The following KLHL41 variants were observed in gnomAD, a reference collection of about 807,000 sequenced individuals.
The protein encoded by KLHL41 is kelch-like protein 41.
A neutral mutation model predicts 49.2 loss-of-function variants in KLHL41; 31 were observed. The observed-to-expected ratio is 0.63, with a 90% CI of 0.47 to 0.85. The LOEUF is 0.85. Ranked by LOEUF, KLHL41 falls within the 40% of genes least tolerant of loss-of-function variation. KLHL41 has a pLI of 0.00. For missense variants in KLHL41, 663 were observed against 726.7 expected, an observed-to-expected ratio of 0.91 and a Z score of 1.01; for synonymous variants, 218 against 258.5, an observed-to-expected ratio of 0.84 and a Z score of 1.50.
intron 3 of KLHL41, among the ~76,000 whole-genome samples, chr2:169,516,145 C>T (rs2105310342): frequency 6.6e-6 from 1 of 152,210 alleles, no homozygotes; most frequent in South Asian, 2.1e-4. Flanking sequence ...CATCATTTGC[C>T]CAGGCCATTG....
At chr2:169,512,764 T>A (rs1684047343) in intron 1 of KLHL41, among the ~76,000 whole-genome samples, 1 of 152,110 alleles carries the variant, frequency 6.6e-6, no homozygotes, top group Non-Finnish European at 1.5e-5. Context: ...TCAGACAATA[T>A]TTACATGAGA....
rs371123070 is a variant in KLHL41, at chr2:169,510,079, G to A, written c.301G>A (p.Gly101Arg). Residue 101 changes from glycine (G) to arginine (R), a missense_variant, in exon 1 of 6, where the codon GGA becomes AGA. Gly to Arg is a moderately radical substitution (Grantham distance 125). Around this residue, in one of 3 missense-constraint regions of KLHL41, gnomAD observed 129 missense variants for 122.1 expected, o/e 1.06. Coordinates refer to ENST00000284669, the MANE Select transcript of KLHL41 (RefSeq NM_006063.3). This position sits in a 1 kb window ranked among gnomAD's most constrained non-coding sequence, Gnocchi z 4.2. ...LYSASIDLND[G>R]NVQDIFALAS... ...CTCTGCCAGTATTGATCTCAATGAC[G>A]GAAATGTGCAAGATATTTTTGCATT... 10 of 1,614,106 alleles carry A rather than the reference G, an allele frequency of 6.2e-6. No homozygotes were observed. The highest frequency in any genetic ancestry group is 1.6e-4 in the Middle Eastern group (1 of 6,062).
chr2:169,517,583 G>A (rs1684135345), intron 3 of KLHL41, among the ~76,000 whole-genome samples: 1 of 152,236 alleles, frequency 6.6e-6, no homozygotes, highest in Non-Finnish European at 1.5e-5. Flanking sequence ...CAGCCTGGGT[G>A]GCAGAGTGAA....
chr2:169,518,312 CAGG>C lies in KLHL41; in HGVS notation c.1503_1505del (p.Gly502del). The C allele has an allele frequency of 1.2e-6, 2 of 1,613,940 alleles. No homozygotes were observed. The highest frequency in any genetic ancestry group is 1.7e-6 in the Non-Finnish European group (2 of 1,179,878). On this transcript the variant is annotated inframe_deletion, in exon 4 of 6. Coordinates refer to ENST00000284669, the MANE Select transcript of KLHL41 (RefSeq NM_006063.3). Reference sequence around the variant, plus strand: ...GTCCATAAAGGCAAAATTGTGATTGCAGGAGGTGTCACTGAAGATGGTCTTTCA... The same window carrying C: ...GTCCATAAAGGCAAAATTGTGATTGCAGGTGTCACTGAAGATGGTCTTTCA...
At position 169,511,319 on chromosome 2, in the gene KLHL41, G is replaced by A. The variant is rs543609309; in HGVS notation, c.1110+431G>A. ...CCCAGTTTGGCTTCCCAAAGTGCTG[G>A]GATTACCGGTGTGAGCCACCACCCC... On this transcript the variant is annotated intron_variant, in intron 1 of 5. Coordinates refer to ENST00000284669, the MANE Select transcript of KLHL41 (RefSeq NM_006063.3). Among the ~76,000 whole-genome samples, 399 of 152,054 alleles carry A rather than the reference G, an allele frequency of 2.6e-3. 2 individuals are homozygous for A. Among genetic ancestry groups the A allele is most frequent in the Non-Finnish European group, 1.5e-3 (103 of 68,006 alleles).
At chr2:169,520,298 G>GTGTGTGTGTA (rs1684182343) in intron 4 of KLHL41, among the ~76,000 whole-genome samples, 2 of 114,364 alleles carry the variant, frequency 1.7e-5, no homozygotes, top group African/African-American at 5.5e-5. Context: ...GTGTGTGTGT[G>GTGTGTGTGTA]TGTGTGTGTG....
rs368737545 is a variant in KLHL41, at chr2:169,518,156, G to A, written c.1377-34G>A. 11 of 1,556,260 alleles carry A rather than the reference G, an allele frequency of 7.1e-6. No individual in the cohort carries two copies. In the African/African-American group the frequency reaches 1.4e-4, roughly 19 times the overall value. On this transcript the variant is annotated intron_variant, in intron 3 of 5. Transcript: ENST00000284669. ...TTAGTGAAGGTGCTGTCAAAAAAAGGTTCTAAAAGGAACATTTGTTTTTCT... is the reference window on the plus strand; with the variant it reads ...TTAGTGAAGGTGCTGTCAAAAAAAGATTCTAAAAGGAACATTTGTTTTTCT...
Position 169,519,884 on chromosome 2 carries a change from G to A in KLHL41, c.1563-977G>A, listed in dbSNP as rs116590504. 6.9e-3 allele frequency among the ~76,000 whole-genome samples: 1,049 copies of A among 152,092 alleles called. 15 individuals are homozygous for A. The highest frequency in any genetic ancestry group is 0.024 in the African/African-American group (1,006 of 41,486). On this transcript the variant is annotated intron_variant, in intron 4 of 5. Transcript: ENST00000284669. ...GCTAGGATTACAGGCATGAGCCACC[G>A]TGCCCGGCCTTAGGGTTGCCATATT... is the stretch of plus-strand genomic sequence containing the variant.
chr2:169,510,208 C>A lies in KLHL41; in HGVS notation c.430C>A (p.Leu144Ile). The A allele has an allele frequency of 6.2e-7, 1 of 1,614,064 alleles. No individual in the cohort carries two copies. Among genetic ancestry groups the A allele is most frequent in the East Asian group, 2.2e-5 (1 of 44,874 alleles). ...NCLAILRLGL[L>I]LDCPRLAISA... The stretch of plus-strand genomic sequence containing the variant: ...TCTAGCCATCCTAAGATTAGGACTT[C>A]TTCTTGACTGCCCGAGACTCGCCAT... Residue 144 changes from leucine (L) to isoleucine (I), a missense_variant, in exon 1 of 6, where the codon CTT (leucine) becomes ATT (isoleucine). By Grantham distance (5) the Leu-to-Ile change is conservative. This residue lies in a region of KLHL41 where 528 missense variants were observed against 581.0 expected (regional missense o/e 0.91). Coordinates refer to ENST00000284669, the MANE Select transcript of KLHL41 (RefSeq NM_006063.3). The surrounding 1 kb of genome is among the most constrained non-coding windows in gnomAD (Gnocchi z 4.2).
Position 169,520,938 on chromosome 2 carries a change from T to C in KLHL41, c.1640T>C (p.Ile547Thr). The change falls in exon 5 of 6, where the codon ATT becomes ACT. Residue 547 changes from isoleucine (I) to threonine (T), a missense_variant. Around this residue, in one of 3 missense-constraint regions of KLHL41, gnomAD observed 528 missense variants for 581.0 expected, o/e 0.91. Coordinates refer to ENST00000284669, the MANE Select transcript of KLHL41 (RefSeq NM_006063.3). ...LVSLAGSLYAIGGFAMIQLES... is the reference protein window; with the variant it reads ...LVSLAGSLYATGGFAMIQLES... Reference sequence around the variant, plus strand: ...AGCCTGGCTGGATCTCTGTATGCAATTGGTGGTTTTGCTATGATTCAACTG... The same window carrying C: ...AGCCTGGCTGGATCTCTGTATGCAACTGGTGGTTTTGCTATGATTCAACTG... 2 of 1,613,888 alleles carry C rather than the reference T, an allele frequency of 1.2e-6. No homozygotes were observed. Among genetic ancestry groups the C allele is most frequent in the Non-Finnish European group, 1.7e-6 (2 of 1,179,770 alleles).
chr2:169,518,889 A>C (rs532700518), intron 4 of KLHL41, among the ~76,000 whole-genome samples: 45 of 152,238 alleles, frequency 3.0e-4, no homozygotes, highest in African/African-American at 1.0e-3. Flanking sequence ...TATGTTGTCC[A>C]TACTGGTCTC....
Position 169,514,725 on chromosome 2 carries a change from A to T in KLHL41, c.1262A>T (p.Asp421Val), listed in dbSNP as rs747545502. ...EASLDSVLCY[D>V]PVAAKWNEVK... ...TCGCTGGATTCAGTATTATGCTATG[A>T]TCCTGTGTAAGTTGGCATGATATTC... The change falls in exon 2 of 6, where the codon GAT (aspartate) becomes GTT (valine). Residue 421 changes from aspartate to valine, a missense_variant. Physicochemically the swap from Asp to Val is radical, Grantham distance 152 (BLOSUM62 -3). Transcript: ENST00000284669. 3.1e-6 allele frequency: 5 copies of T among 1,613,774 alleles called. No individual in the cohort carries two copies. The South Asian group carries it at 5.5e-5, about 18-fold the overall frequency.
Position 169,510,848 on chromosome 2 carries a change from A to G in KLHL41, c.1070A>G (p.Glu357Gly). Residue 357 changes from glutamate (E) to glycine (G), a missense_variant, in exon 1 of 6, where the codon GAA becomes GGA. Coordinates refer to ENST00000284669, the MANE Select transcript of KLHL41 (RefSeq NM_006063.3). This position sits in a 1 kb window ranked among gnomAD's most constrained non-coding sequence, Gnocchi z 4.2. ...GTGGTAGGAGGACTATATGTGGATG[A>G]AGAAAATAAGGATCAACCTCTACAG... ...IYVVGGLYVD[E>G]ENKDQPLQSY... 1.2e-6 allele frequency: 2 copies of G among 1,613,904 alleles called. No individual in the cohort carries two copies. Among genetic ancestry groups the G allele is most frequent in the African/African-American group, 1.3e-5 (1 of 75,054 alleles).
At position 169,510,864 on chromosome 2, in the gene KLHL41, A is replaced by T. The variant is rs535105922; in HGVS notation, c.1086A>T (p.Gln362His). Residue 362 changes from glutamine (Q) to histidine (H), a missense_variant, in exon 1 of 6, where the codon CAA becomes CAT. Physicochemically the swap from Gln to His is conservative, Grantham distance 24 (BLOSUM62 0). Around this residue, in one of 3 missense-constraint regions of KLHL41, gnomAD observed 528 missense variants for 581.0 expected, o/e 0.91. Coordinates refer to ENST00000284669, the MANE Select transcript of KLHL41 (RefSeq NM_006063.3). The surrounding 1 kb of genome is among the most constrained non-coding windows in gnomAD (Gnocchi z 4.2). ...ATGTGGATGAAGAAAATAAGGATCA[A>T]CCTCTACAGTCATACTTCTTCCAGG... ...GLYVDEENKDQPLQSYFFQLD... is the reference protein window; with the variant it reads ...GLYVDEENKDHPLQSYFFQLD... 2 of 1,613,564 alleles carry T rather than the reference A, an allele frequency of 1.2e-6. No individual in the cohort carries two copies. The highest frequency in any genetic ancestry group is 2.2e-5 in the East Asian group (1 of 44,892).
chr2:169,516,316 C>T (rs1427205828), intron 3 of KLHL41, among the ~76,000 whole-genome samples: 2 of 152,146 alleles, frequency 1.3e-5, no homozygotes, highest in African/African-American at 4.8e-5. Flanking sequence ...GTAAATATAG[C>T]ACAGAAAAGG....
At chr2:169,521,778 G>C (rs1379575303) in intron 5 of KLHL41, among the ~76,000 whole-genome samples, 3 of 151,998 alleles carry the variant, frequency 2.0e-5, no homozygotes, top group African/African-American at 7.3e-5. Flanking sequence ...ATTGTTTTAG[G>C]CTTCAGCTAA....
chr2:169,520,953 T>C lies in KLHL41; in HGVS notation c.1655T>C (p.Met552Thr). 1 of 1,614,042 alleles carries C rather than the reference T, an allele frequency of 6.2e-7. No individual in the cohort carries two copies. The highest frequency in any genetic ancestry group is 1.1e-5 in the South Asian group (1 of 91,084). The change falls in exon 5 of 6, where the codon ATG (methionine) becomes ACG (threonine). Residue 552 changes from methionine to threonine, a missense_variant. Transcript: ENST00000284669. ...CTGTATGCAATTGGTGGTTTTGCTA[T>C]GATTCAACTGGAGTCTAAAGAATTT... ...GSLYAIGGFA[M>T]IQLESKEFAP...
At chr2:169,518,962 G>A (rs116836235) in intron 4 of KLHL41, among the ~76,000 whole-genome samples, 3,357 of 151,008 alleles carry the variant, frequency 0.022, 45 homozygotes, top group Non-Finnish European at 0.035. Context: ...TTATAGGTGT[G>A]AGCCAGCACA....
chr2:169,524,194 T>G (rs1222181633), intron 5 of KLHL41, among the ~76,000 whole-genome samples: 2 of 152,162 alleles, frequency 1.3e-5, no homozygotes, highest in African/African-American at 4.8e-5. Flanking sequence ...ATTTATCTCT[T>G]AATTTGTTGC....
Sources: gnomAD v4.1 joint callset for allele counts (sites outside exome capture counted in the v4.1 genomes callset) on GRCh38, gnomAD v4.1.1 for gene constraint, gnomAD v4.1.1 regional missense constraint, Gnocchi (gnomAD v3.1) non-coding constraint, MANE v1.5 for transcripts, NCBI Gene and HGNC (gene_info 2026-07-23, HGNC 2026-07-21) for gene names.